NEB: variants seen among roughly 807,000 people sequenced by gnomAD.
NEB encodes the protein nemaline myopathy type 2.
NEB carries 512 observed loss-of-function variants against 952.2 expected under a neutral mutation model. The observed-to-expected ratio is 0.54, with a 90% CI of 0.50 to 0.58. The LOEUF is 0.58. NEB is among the 20% of genes least tolerant of loss of function. The probability of loss-of-function intolerance (pLI) is 0.00; values close to 1 mark genes in which losing one functional copy is unlikely to be tolerated. For synonymous variants in NEB, 2,900 were observed against 3,149.8 expected (o/e 0.92, Z 2.66); for missense variants, 8,428 against 9,231.1 (o/e 0.91, Z 3.56).
Position 151,568,167 on chromosome 2 carries a change from C to T in NEB, c.17748G>A (p.Lys5916=). Reference sequence around the variant, plus strand: ...TGGCTTTTTGTCTCTCCCAGCCTTCCTTGTAGAGATACTGAAAGACAGAGC... The same window carrying T: ...TGGCTTTTTGTCTCTCCCAGCCTTCTTTGTAGAGATACTGAAAGACAGAGC... ...AARILDQYLY[K]EGWERQKATG... is the part of the protein sequence containing the mutation. The change falls in exon 113 of 182, where the codon AAG becomes AAA. Residue 5916 remains lysine (K), a synonymous_variant. Transcript: ENST00000397345. 6.2e-7 allele frequency: 1 copy of T among 1,613,180 alleles called. No individual in the cohort carries two copies. Among genetic ancestry groups the T allele is most frequent in the Non-Finnish European group, 8.5e-7 (1 of 1,179,512 alleles).
chr2:151,552,853 G>T, intron 127 of NEB, 77 bp from the exon 128 acceptor site: 1 of 1,056,272 alleles, frequency 9.5e-7, no homozygotes, highest in Non-Finnish European at 1.4e-6. Flanking sequence ...AGAGGGTTTG[G>T]TTGCTTTTAA....
intron 44 of NEB, 140 bp from the exon 45 acceptor site, chr2:151,663,999 G>T: frequency 2.7e-6 from 2 of 754,012 alleles, no homozygotes; most frequent in Non-Finnish European, 4.1e-6. Context: ...GTGAGAGGGA[G>T]GGAGCAAACT....
rs1452726434 is a variant in NEB at position 151,553,418 on chromosome 2, C to T, written c.19711G>A (p.Ala6571Thr). The T allele has an allele frequency of 1.2e-6, 2 of 1,613,122 alleles. No homozygotes were observed. The highest frequency in any genetic ancestry group is 1.7e-6 in the Non-Finnish European group (2 of 1,179,180). ...DTPEILHAKH[A>T]YDLRDDIKYK... ...CTCACATCATCACGTAGATCATAAG[C>T]ATGCTTGGCATGGAGGATTTCAGGA... The change falls in exon 127 of 182, where the codon GCT (alanine) becomes ACT (threonine). Residue 6571 changes from alanine (A) to threonine (T), a missense_variant. By Grantham distance (58) the Ala-to-Thr change is moderately conservative. This residue lies in a region of NEB where 3,374 missense variants were observed against 3,651.5 expected (regional missense o/e 0.92). Transcript: ENST00000397345.
intron 37 of NEB, among the ~76,000 whole-genome samples, chr2:151,671,896 A>G (rs2099302430): frequency 6.6e-6 from 1 of 152,084 alleles, no homozygotes; most frequent in Admixed American, 6.6e-5. Flanking sequence ...TCCATGAATC[A>G]TGTTGCAAGC....
Position 151,570,565 on chromosome 2 carries a change from C to T in NEB, c.17050G>A (p.Gly5684Ser). Residue 5684 changes from glycine (G) to serine (S), a missense_variant, in exon 108 of 182, where the codon GGC becomes AGC. Gly to Ser is a moderately conservative substitution (Grantham distance 56). Transcript: ENST00000397345. ...ATGGCATCCAGCCGGACATCACAGC[C>T]CGCCTTCATTTCATCCCAGCCCTCA... ...YREGWDEMKA[G>S]CDVRLDAIPI... 1.2e-6 allele frequency: 2 copies of T among 1,606,286 alleles called. No homozygotes were observed. Among genetic ancestry groups the T allele is most frequent in the Non-Finnish European group, 8.5e-7 (1 of 1,176,526 alleles).
intron 9 of NEB, among the ~76,000 whole-genome samples, chr2:151,717,871 T>TTG (rs1440514783): frequency 6.6e-6 from 1 of 151,296 alleles, no homozygotes; most frequent in African/African-American, 2.4e-5. Flanking sequence ...TTTTTTTTTT[T>TTG]GAGACGGAGT....
In NEB at chr2:151,525,260, T is replaced by C; in HGVS notation, c.22175A>G (p.Lys7392Arg). 6.2e-7 allele frequency: 1 copy of C among 1,611,244 alleles called. No homozygotes were observed. The highest frequency in any genetic ancestry group is 8.5e-7 in the Non-Finnish European group (1 of 1,177,450). ...TTTTCCTTTCTCCTTGACAAACTTC[T>C]TTTTGTAATTTGTCTAAATAGAGCC... The part of the protein sequence containing the change: ...TKHVSDTNYK[K>R]KFVKEKGKSN... Residue 7392 changes from lysine (K) to arginine (R), a missense_variant, in exon 151 of 182, where the codon AAG (lysine) becomes AGG (arginine). Physicochemically the swap from Lys to Arg is conservative, Grantham distance 26 (BLOSUM62 2). Coordinates refer to ENST00000397345, the MANE Select transcript of NEB (RefSeq NM_001164508.2).
chr2:151,650,776 C>T lies in NEB; in HGVS notation c.7025G>A (p.Ser2342Asn). The T allele has an allele frequency of 6.2e-7, 1 of 1,613,948 alleles. No homozygotes were observed. ...VLSMNVAKMQ[S>N]EREYKKDFEK... Reference sequence around the variant, plus strand: ...AAAGTCCTTCTTGTATTCTCTTTCACTCTGCATTTTGGCTACATTCATGGA... The same window carrying T: ...AAAGTCCTTCTTGTATTCTCTTTCATTCTGCATTTTGGCTACATTCATGGA... Residue 2342 changes from serine to asparagine, a missense_variant, in exon 53 of 182, where the codon AGT becomes AAT. Physicochemically the swap from Ser to Asn is conservative, Grantham distance 46. This residue lies in a region of NEB where 1,772 missense variants were observed against 1,960.3 expected (regional missense o/e 0.90). Coordinates refer to ENST00000397345, the MANE Select transcript of NEB (RefSeq NM_001164508.2).
In NEB at chr2:151,669,122, T is replaced by C. The variant is rs1016423813; in HGVS notation, c.4516A>G (p.Lys1506Glu). Residue 1506 changes from lysine (K) to glutamate (E), a missense_variant, in exon 39 of 182, where the codon AAG becomes GAG. Physicochemically the swap from Lys to Glu is moderately conservative, Grantham distance 56. Transcript: ENST00000397345. ...NTKQLSDLNYKVEGEKLKHKY... is the reference protein window; with the variant it reads ...NTKQLSDLNYEVEGEKLKHKY... ...TGCTTCAGTTTCTCTCCCTCTACCTTGTAGTTCAACTAAAAACAAAGGAGA... is the reference window on the plus strand; with the variant it reads ...TGCTTCAGTTTCTCTCCCTCTACCTCGTAGTTCAACTAAAAACAAAGGAGA... 5 of 1,574,706 alleles carry C rather than the reference T, an allele frequency of 3.2e-6. No individual in the cohort carries two copies. Among genetic ancestry groups the C allele is most frequent in the Non-Finnish European group, 4.3e-6 (5 of 1,156,992 alleles).
chr2:151,679,867 G>A (rs777076802), intron 31 of NEB, 39 bp from the exon 32 acceptor site: 6 of 1,605,536 alleles, frequency 3.7e-6, no homozygotes, highest in Non-Finnish European at 5.1e-6. Context: ...CTTAGAGACT[G>A]TGTTAGTAAA....
intron 9 of NEB, 37 bp downstream of exon 9, chr2:151,723,345 C>G (rs1484726193): frequency 1.3e-6 from 2 of 1,486,510 alleles, no homozygotes; most frequent in Non-Finnish European, 1.9e-6. Flanking sequence ...TCCCCTGACT[C>G]TGCACACCTA....
intron 61 of NEB, 147 bp downstream of exon 61, chr2:151,640,208 G>C (rs1372329703): frequency 3.4e-6 from 5 of 1,464,978 alleles, no homozygotes; most frequent in Non-Finnish European, 4.6e-6. Flanking sequence ...GGTCTGAAGG[G>C]TTAAAGGATT....
chr2:151,688,221 T>C, intron 25 of NEB, 71 bp downstream of exon 25: 2 of 1,258,118 alleles, frequency 1.6e-6, no homozygotes. Context: ...CCTTGTCTTG[T>C]CTTTTAAAAT....
chr2:151,492,368 T>G lies in NEB; in HGVS notation c.24873+19A>C. ...ATTCTGACAGGCAGCCAGCCAATCC[T>G]AAAGAATTCCTGACTCACCGTTGAG... On this transcript the variant is annotated intron_variant, in intron 177 of 181. Coordinates refer to ENST00000397345, the MANE Select transcript of NEB (RefSeq NM_001164508.2). 1 of 1,593,680 alleles carries G rather than the reference T, an allele frequency of 6.3e-7. No individual in the cohort carries two copies. Among genetic ancestry groups the G allele is most frequent in the Non-Finnish European group, 8.6e-7 (1 of 1,167,910 alleles).
Position 151,537,227 on chromosome 2 carries a change from T to C in NEB, c.21112A>G (p.Lys7038Glu). ...CCTTTAAGCCAAGTCAAGTCTTCTT[T>C]ATATTTTACCTGGGAGAAGAAGAAC... is the stretch of plus-strand genomic sequence containing the variant. Reference protein sequence around the residue: ...VTDTVSDVKYKEDLTWLKGIG... With the variant: ...VTDTVSDVKYEEDLTWLKGIG... Residue 7038 changes from lysine to glutamate, a missense_variant, in exon 141 of 182, where the codon AAA (lysine) becomes GAA (glutamate). By Grantham distance (56) the Lys-to-Glu change is moderately conservative. Transcript: ENST00000397345. 1 of 1,605,652 alleles carries C rather than the reference T, an allele frequency of 6.2e-7. No individual in the cohort carries two copies. The highest frequency in any genetic ancestry group is 8.5e-7 in the Non-Finnish European group (1 of 1,172,822).
intron 81 of NEB, among the ~76,000 whole-genome samples, chr2:151,609,522 G>C (rs1342806076): frequency 1.3e-5 from 2 of 152,096 alleles, no homozygotes; most frequent in East Asian, 1.9e-4. Context: ...TTTTAATCCT[G>C]TGGCAATTGA....
chr2:151,562,489 T>C, intron 120 of NEB, 122 bp downstream of exon 120: 1 of 1,064,130 alleles, frequency 9.4e-7, no homozygotes, highest in Non-Finnish European at 1.3e-6. Flanking sequence ...CCACTTTGTT[T>C]TGAGAAGCAG....
chr2:151,693,835 A>G (rs1428192055), intron 20 of NEB, among the ~76,000 whole-genome samples: 1 of 152,174 alleles, frequency 6.6e-6, no homozygotes, highest in Non-Finnish European at 1.5e-5. Flanking sequence ...AATAAGATCA[A>G]TATTCTATAA....
intron 141 of NEB, among the ~76,000 whole-genome samples, chr2:151,536,660 A>G: frequency 6.6e-6 from 1 of 152,152 alleles, no homozygotes; most frequent in East Asian, 1.9e-4. Context: ...TGTTTTATTT[A>G]CTATCTGGCA....
Sources: allele counts gnomAD v4.1 joint callset (sites outside exome capture counted in the v4.1 genomes callset), GRCh38; gene constraint gnomAD v4.1.1; regional missense constraint gnomAD v4.1.1; transcripts MANE v1.5; gene names NCBI Gene and HGNC (gene_info 2026-07-23, HGNC 2026-07-21).